The following FAM107B variants were observed in gnomAD, a reference collection of about 807,000 sequenced individuals.
FAM107B encodes protein FAM107B.
In FAM107B, 21 loss-of-function variants were observed where a neutral mutation model predicts 31.5. The ratio of observed to expected loss-of-function variants is 0.67; its 90% confidence interval spans 0.47 to 0.96. FAM107B has a LOEUF of 0.96. Ranked by LOEUF, FAM107B falls within the 40% of genes least tolerant of loss-of-function variation. The probability of loss-of-function intolerance (pLI) is 0.00; values close to 1 mark genes in which losing one functional copy is unlikely to be tolerated. For missense variants in FAM107B, 452 were observed against 377.1 expected, an observed-to-expected ratio of 1.20 and a Z score of -1.64; for synonymous variants, 157 against 141.5, an observed-to-expected ratio of 1.11 and a Z score of -0.78.
In FAM107B at chr10:14,759,866, C is replaced by T. The variant is rs922682731; in HGVS notation, c.411+14387G>A. Among the ~76,000 whole-genome samples, 13 of 152,050 alleles carry T rather than the reference C, an allele frequency of 8.5e-5. 1 individual carries two copies. Among genetic ancestry groups the T allele is most frequent in the Non-Finnish European group, 7.4e-5 (5 of 68,014 alleles). ...GTCTGCGACTACAGGTGCCCACCAGCATGTCCGGCTAACTTATGTATTTTT... is the reference window on the plus strand; with the variant it reads ...GTCTGCGACTACAGGTGCCCACCAGTATGTCCGGCTAACTTATGTATTTTT... On this transcript the variant is annotated intron_variant, in intron 1 of 4. Coordinates refer to ENST00000181796, the MANE Select transcript of FAM107B (RefSeq NM_031453.4).
intron 2 of FAM107B, among the ~76,000 whole-genome samples, chr10:14,633,948 C>A (rs1853431312): frequency 6.6e-6 from 1 of 152,120 alleles, no homozygotes; most frequent in African/African-American, 2.4e-5. Context: ...TTGTAATGAC[C>A]AAGCCTCAAC....
intron 2 of FAM107B, among the ~76,000 whole-genome samples, chr10:14,588,026 T>A (rs1039312326): frequency 2.6e-5 from 4 of 152,174 alleles, no homozygotes; most frequent in African/African-American, 9.7e-5. Context: ...GACTCACCCA[T>A]GAGTAAAAAA....
chr10:14,568,972 A>C (rs12267803), intron 2 of FAM107B, among the ~76,000 whole-genome samples: 145 of 152,310 alleles, frequency 9.5e-4, no homozygotes, highest in African/African-American at 3.4e-3. Flanking sequence ...GCATAGGTAG[A>C]TTTTAACACA....
chr10:14,742,171 GC>G (rs1856455355), intron 1 of FAM107B, among the ~76,000 whole-genome samples: 1 of 152,104 alleles, frequency 6.6e-6, no homozygotes, highest in Non-Finnish European at 1.5e-5. Flanking sequence ...GAGTGCAGTG[GC>G]AAAATCATGA....
chr10:14,668,469 T>C (rs1052593182), intron 1 of FAM107B, among the ~76,000 whole-genome samples: 2 of 152,202 alleles, frequency 1.3e-5, no homozygotes, highest in Admixed American at 1.3e-4. Flanking sequence ...CAGTTATATT[T>C]TTATCTCTAA....
chr10:14,588,493 C>T (rs935250261), intron 2 of FAM107B, among the ~76,000 whole-genome samples: 11 of 152,174 alleles, frequency 7.2e-5, no homozygotes, highest in Admixed American at 2.6e-4. Context: ...CCAGGGTCTA[C>T]CCATTCTCCC....
At chr10:14,618,547 T>G (rs1449106742) in intron 2 of FAM107B, among the ~76,000 whole-genome samples, 1 of 152,080 alleles carries the variant, frequency 6.6e-6, no homozygotes, top group Non-Finnish European at 1.5e-5. Context: ...TGGAAATAAG[T>G]CATTACGGGC....
intron 2 of FAM107B, among the ~76,000 whole-genome samples, chr10:14,639,935 C>G (rs991743987): frequency 6.6e-6 from 1 of 152,188 alleles, no homozygotes; most frequent in East Asian, 1.9e-4. Context: ...CTTTAAGACT[C>G]AGCTGAAATT....
chr10:14,645,093 T>C (rs1853719938), intron 2 of FAM107B, among the ~76,000 whole-genome samples: 2 of 152,160 alleles, frequency 1.3e-5, no homozygotes, highest in Non-Finnish European at 2.9e-5. Context: ...TGATTCAAAA[T>C]GGAAAATACT....
chr10:14,557,654 C>G (rs536756741), intron 2 of FAM107B, among the ~76,000 whole-genome samples: 1 of 152,234 alleles, frequency 6.6e-6, no homozygotes, highest in Non-Finnish European at 1.5e-5. Flanking sequence ...GGTTAACATT[C>G]GAAGTGCTTA....
At chr10:14,765,938 G>A (rs1434540352) in intron 1 of FAM107B, among the ~76,000 whole-genome samples, 2 of 152,154 alleles carry the variant, frequency 1.3e-5, no homozygotes, top group East Asian at 1.9e-4. Context: ...TTAGATAAGG[G>A]GGATGCAGAG....
intron 1 of FAM107B, among the ~76,000 whole-genome samples, chr10:14,743,099 TTTACA>T (rs2131575390): frequency 6.6e-6 from 1 of 152,366 alleles, no homozygotes; most frequent in African/African-American, 2.4e-5. Flanking sequence ...GTGGTTTTGA[TTTACA>T]TTTCTCTAAT....
chr10:14,546,339 AT>A (rs1408813258), intron 2 of FAM107B, among the ~76,000 whole-genome samples: 2 of 152,198 alleles, frequency 1.3e-5, no homozygotes, highest in Non-Finnish European at 2.9e-5. Context: ...AATTTTCTAA[AT>A]TGACTGTCCA....
At chr10:14,563,523 G>C (rs935842336) in intron 2 of FAM107B, among the ~76,000 whole-genome samples, 1 of 152,156 alleles carries the variant, frequency 6.6e-6, no homozygotes, top group Non-Finnish European at 1.5e-5. Flanking sequence ...TATTATAGGT[G>C]ACTTAACTAT....
intron 2 of FAM107B, among the ~76,000 whole-genome samples, chr10:14,636,924 G>A (rs1853513889): frequency 6.6e-6 from 1 of 152,082 alleles, no homozygotes; most frequent in Admixed American, 6.6e-5. Context: ...TTTCCAAAGA[G>A]GTTGTCCATT....
chr10:14,701,510 G>A (rs939795162), intron 1 of FAM107B, among the ~76,000 whole-genome samples: 4 of 152,144 alleles, frequency 2.6e-5, no homozygotes, highest in African/African-American at 9.7e-5. Context: ...CTCCCAAAGT[G>A]CTGGGATCAT....
intron 1 of FAM107B, among the ~76,000 whole-genome samples, chr10:14,747,900 C>A (rs1832756944): frequency 6.6e-6 from 1 of 152,238 alleles, no homozygotes; most frequent in Admixed American, 6.5e-5. Flanking sequence ...GCAAGCCATG[C>A]AAAGCTCTTA....
chr10:14,738,347 G>C (rs1335668613), intron 1 of FAM107B, among the ~76,000 whole-genome samples: 1 of 152,138 alleles, frequency 6.6e-6, no homozygotes, highest in Non-Finnish European at 1.5e-5. Context: ...GCACTATCTA[G>C]GTCACCACTG....
At chr10:14,691,893 CAAAA>C (rs58734762) in intron 1 of FAM107B, among the ~76,000 whole-genome samples, 5 of 129,198 alleles carry the variant, frequency 3.9e-5, no homozygotes, top group Admixed American at 1.5e-4. Flanking sequence ...GACTCTGTCA[CAAAA>C]AAAAAAAAAA....
Sources: gnomAD v4.1 joint callset for allele counts (sites outside exome capture counted in the v4.1 genomes callset) on GRCh38, gnomAD v4.1.1 for gene constraint, MANE v1.5 for transcripts, NCBI Gene and HGNC (gene_info 2026-07-23, HGNC 2026-07-21) for gene names.